ZCCHC14: variants seen among roughly 807,000 people sequenced by gnomAD.
ZCCHC14 encodes the protein zinc finger CCHC-type containing 14, also known as zinc finger CCHC domain-containing protein 14.
A neutral mutation model predicts 85.0 loss-of-function variants in ZCCHC14; 16 were observed. That is an observed-to-expected ratio of 0.19 (90% CI 0.13 to 0.29). ZCCHC14 has a LOEUF of 0.29. Among genes scored for constraint, ZCCHC14 ranks in the 10% least tolerant of loss-of-function variants. The probability of loss-of-function intolerance (pLI) is 1.00; values close to 1 mark genes in which losing one functional copy is unlikely to be tolerated. For missense variants in ZCCHC14, 1,303 were observed against 1,443.5 expected, an observed-to-expected ratio of 0.90 and a Z score of 1.58; for synonymous variants, 775 against 630.7, an observed-to-expected ratio of 1.23 and a Z score of -3.43.
At chr16:87,490,811 G>A (rs568422643) in intron 1 of ZCCHC14, among the ~76,000 whole-genome samples, 290 of 152,152 alleles carry the variant, frequency 1.9e-3, no homozygotes, top group African/African-American at 6.5e-3. Context: ...TCATACACAC[G>A]TGTGCACATA....
intron 2 of ZCCHC14, among the ~76,000 whole-genome samples, chr16:87,441,585 C>A (rs1597421978): frequency 1.3e-5 from 2 of 152,052 alleles, no homozygotes; most frequent in African/African-American, 4.8e-5. Context: ...AGTAAGAACA[C>A]AAAACAAAAT....
intron 1 of ZCCHC14, among the ~76,000 whole-genome samples, chr16:87,485,429 G>T (rs1010815812): frequency 6.6e-6 from 1 of 151,970 alleles, no homozygotes; most frequent in East Asian, 1.9e-4. Flanking sequence ...ACAGAGACTG[G>T]AGAAAAAAAT....
chr16:87,459,863 T>A (rs916367051), intron 2 of ZCCHC14, 145 bp downstream of exon 2: 1 of 1,277,064 alleles, frequency 7.8e-7, no homozygotes, highest in African/African-American at 1.5e-5. Flanking sequence ...CATATTCATG[T>A]ATTGCTTATA....
chr16:87,430,728 G>T (rs900700213), intron 3 of ZCCHC14, among the ~76,000 whole-genome samples: 9 of 152,006 alleles, frequency 5.9e-5, no homozygotes, highest in Admixed American at 5.9e-4. Flanking sequence ...CACCATGTTG[G>T]CTAGGCTGGT....
chr16:87,412,407 G>T lies in ZCCHC14; in HGVS notation c.2314C>A (p.Pro772Thr). The T allele has an allele frequency of 6.2e-7, 1 of 1,614,186 alleles. No homozygotes were observed. Among genetic ancestry groups the T allele is most frequent in the Non-Finnish European group, 8.5e-7 (1 of 1,180,040 alleles). Residue 772 changes from proline to threonine, a missense_variant, in exon 12 of 13, where the codon CCG (proline) becomes ACG (threonine). Coordinates refer to ENST00000671377, the MANE Select transcript of ZCCHC14 (RefSeq NM_015144.3). ...TPSTVLHAAR[P>T]PIKLLLSSSV... ...GACGACAGCAGCAGTTTGATGGGCG[G>T]ACGGGCGGCGTGGAGGACTGTGCTG...
In ZCCHC14 at chr16:87,413,036, G is replaced by A. The variant is rs367905068; in HGVS notation, c.1744+19C>T. ...CACAGCTGGGCCAGGTCGAGCCAGC[G>A]CCGCGCACGTGCCCTTACGTCTGTC... On this transcript the variant is annotated intron_variant, in intron 11 of 12. Coordinates refer to ENST00000671377, the MANE Select transcript of ZCCHC14 (RefSeq NM_015144.3). 7.3e-5 allele frequency: 118 copies of A among 1,614,100 alleles called. No homozygotes were observed. The African/African-American group carries it at 9.2e-4, about 13-fold the overall frequency.
intron 2 of ZCCHC14, among the ~76,000 whole-genome samples, chr16:87,453,424 C>A (rs973188353): frequency 2.6e-5 from 4 of 152,258 alleles, no homozygotes; most frequent in Non-Finnish European, 5.9e-5. Context: ...GTGCTTTTCA[C>A]CCGAGGGCGG....
intron 1 of ZCCHC14, among the ~76,000 whole-genome samples, chr16:87,486,384 C>A (rs2067590306): frequency 6.6e-6 from 1 of 152,248 alleles, no homozygotes; most frequent in African/African-American, 2.4e-5. Flanking sequence ...TGGGTTACAA[C>A]TGCCTATGGT....
At chr16:87,490,917 A>T (rs983171328) in intron 1 of ZCCHC14, among the ~76,000 whole-genome samples, 3 of 152,188 alleles carry the variant, frequency 2.0e-5, no homozygotes, top group African/African-American at 7.2e-5. Flanking sequence ...CCAGGCCCCC[A>T]GCGACACAGG....
rs759717998 is a variant in ZCCHC14, at chr16:87,412,916, A to T, written c.1805T>A (p.Phe602Tyr). 18 of 1,601,646 alleles carry T rather than the reference A, an allele frequency of 1.1e-5. No homozygotes were observed. Among genetic ancestry groups the T allele is most frequent in the African/African-American group, 4.0e-5 (3 of 74,708 alleles). The change falls in exon 12 of 13, where the codon TTC becomes TAC. Residue 602 changes from phenylalanine to tyrosine, a missense_variant. Physicochemically the swap from Phe to Tyr is conservative, Grantham distance 22. This residue lies in a region of ZCCHC14 where 797 missense variants were observed against 730.8 expected (regional missense o/e 1.09). Transcript: ENST00000671377. ...KEKPVMLLNHFTSSSARPTAQ... is the reference protein window; with the variant it reads ...KEKPVMLLNHYTSSSARPTAQ... ...CGTGGGTCTGGCGGAACTGGAAGTG[A>T]AGTGATTCAGCAGCATCACCGGCTT...
At chr16:87,446,123 C>T (rs903525422) in intron 2 of ZCCHC14, among the ~76,000 whole-genome samples, 1 of 149,374 alleles carries the variant, frequency 6.7e-6, no homozygotes, top group Non-Finnish European at 1.5e-5. Flanking sequence ...GCCAAGATCG[C>T]GCCATTGCAC....
chr16:87,457,060 C>T (rs993292843), intron 2 of ZCCHC14, among the ~76,000 whole-genome samples: 1 of 152,162 alleles, frequency 6.6e-6, no homozygotes, highest in Non-Finnish European at 1.5e-5. Flanking sequence ...GGGACTGGAG[C>T]GCTGGAGAGT....
intron 1 of ZCCHC14, among the ~76,000 whole-genome samples, chr16:87,463,338 T>C (rs529687332): frequency 3.3e-5 from 5 of 150,500 alleles, no homozygotes; most frequent in Non-Finnish European, 7.4e-5. Context: ...GGTATGATCA[T>C]ATCAGTGCAC....
chr16:87,489,463 A>G (rs1912653865), intron 1 of ZCCHC14, among the ~76,000 whole-genome samples: 1 of 152,246 alleles, frequency 6.6e-6, no homozygotes, highest in African/African-American at 2.4e-5. Context: ...CTCTATAAAA[A>G]GGAATGTTAA....
intron 2 of ZCCHC14, among the ~76,000 whole-genome samples, chr16:87,444,217 T>A (rs531908086): frequency 6.6e-6 from 1 of 152,184 alleles, no homozygotes; most frequent in East Asian, 1.9e-4. Flanking sequence ...CCGTTGGAAA[T>A]TGTTGATTTC....
At chr16:87,424,257 A>G (rs1471861891) in intron 3 of ZCCHC14, among the ~76,000 whole-genome samples, 3 of 152,180 alleles carry the variant, frequency 2.0e-5, no homozygotes, top group African/African-American at 7.2e-5. Context: ...AGAGCGACAC[A>G]TTCCCAGAGA....
chr16:87,419,688 A>T, intron 6 of ZCCHC14, 95 bp downstream of exon 6: 1 of 1,072,112 alleles, frequency 9.3e-7, no homozygotes, highest in Non-Finnish European at 1.3e-6. Flanking sequence ...CGCCCGCCTC[A>T]GCCTCCCAAA....
chr16:87,423,658 C>G (rs1027868936), intron 4 of ZCCHC14, 152 bp downstream of exon 4: 45 of 784,134 alleles, frequency 5.7e-5, no homozygotes, highest in Non-Finnish European at 8.3e-5. Context: ...AGCAGCGGGC[C>G]TGGGACTCCA....
chr16:87,409,687 T>C lies in ZCCHC14; in HGVS notation c.*593A>G, dbSNP rs1415931217. 3 of 152,804 alleles carry C rather than the reference T, an allele frequency of 2.0e-5. No individual in the cohort carries two copies. Among genetic ancestry groups the C allele is most frequent in the Admixed American group, 2.0e-4 (3 of 15,304 alleles). The allele number at this position is 152,804 out of a possible 1,614,324, so 9.5% of individuals were successfully genotyped here. A position where few individuals can be genotyped will look rare whatever the true frequency, so the allele number is the denominator to read the frequency against. ...GTAGCCTCTGCTGGTGCTGACTCTT[T>C]CAATATGGATTATTGGAGTCTCTTG... is the stretch of plus-strand genomic sequence containing the variant. On this transcript the variant is annotated 3_prime_UTR_variant, in exon 13 of 13. Coordinates refer to ENST00000671377, the MANE Select transcript of ZCCHC14 (RefSeq NM_015144.3).
Sources: gnomAD v4.1 joint callset for allele counts (sites outside exome capture counted in the v4.1 genomes callset) on GRCh38, gnomAD v4.1.1 for gene constraint, gnomAD v4.1.1 regional missense constraint, MANE v1.5 for transcripts, NCBI Gene and HGNC (gene_info 2026-07-23, HGNC 2026-07-21) for gene names.